The following PCDHAC1 variants were observed in gnomAD, a reference collection of about 807,000 sequenced individuals.
PCDHAC1 encodes protocadherin alpha subfamily C, 1, also known as protocadherin alpha-C1.
PCDHAC1 carries 42 observed loss-of-function variants against 60.0 expected under a neutral mutation model. The ratio of observed to expected loss-of-function variants is 0.70; its 90% CI spans 0.55 to 0.90. The LOEUF is 0.90. Among genes scored for constraint, PCDHAC1 ranks in the 40% least tolerant of loss-of-function variants. The pLI is 0.00. For synonymous variants in PCDHAC1, 468 were observed against 499.3 expected, an observed-to-expected ratio of 0.94 and a Z score of 0.84; for missense variants, 1,160 against 1,222.3, an observed-to-expected ratio of 0.95 and a Z score of 0.76.
At chr5:140,997,329 T>C (rs1030113015) in intron 3 of PCDHAC1, among the ~76,000 whole-genome samples, 1 of 152,228 alleles carries the variant, frequency 6.6e-6, no homozygotes, top group African/African-American at 2.4e-5. Context: ...AGTTTTTTCG[T>C]TGTACAAATA....
intron 1 of PCDHAC1, among the ~76,000 whole-genome samples, chr5:140,942,264 G>T (rs868983277): frequency 5.9e-5 from 9 of 152,122 alleles, no homozygotes; most frequent in Non-Finnish European, 1.2e-4. Flanking sequence ...GATATCTAAA[G>T]CTGGTAATGG....
At chr5:140,991,481 A>G (rs1272675537) in intron 3 of PCDHAC1, among the ~76,000 whole-genome samples, 3 of 152,226 alleles carry the variant, frequency 2.0e-5, no homozygotes, top group Non-Finnish European at 2.9e-5. Flanking sequence ...TCTGGAAGTC[A>G]GAAGTCCACA....
At chr5:140,951,326 T>C (rs2094571744) in intron 1 of PCDHAC1, among the ~76,000 whole-genome samples, 1 of 152,158 alleles carries the variant, frequency 6.6e-6, no homozygotes, top group Admixed American at 6.5e-5. Context: ...TTGAGATTCA[T>C]CATTCTGTTT....
intron 1 of PCDHAC1, among the ~76,000 whole-genome samples, chr5:140,931,051 G>A (rs1460771235): frequency 6.6e-6 from 1 of 152,134 alleles, no homozygotes; most frequent in African/African-American, 2.4e-5. Flanking sequence ...AAACTTCAAT[G>A]CTGTGTCTGG....
chr5:140,980,359 C>T (rs369647369), intron 2 of PCDHAC1, among the ~76,000 whole-genome samples: 1 of 152,114 alleles, frequency 6.6e-6, no homozygotes. Context: ...GGACTGGGCG[C>T]GGTGGCTCAC....
In PCDHAC1 at chr5:140,993,233, G is replaced by A. The variant is rs143093605; in HGVS notation, c.2581+10670G>A. ...TTTAGCTTTTTGGTATGTTCTCTCT[G>A]AATCTGGGGATTTAGATATATAAAT... On this transcript the variant is annotated intron_variant, in intron 3 of 3. Coordinates refer to ENST00000253807, the MANE Select transcript of PCDHAC1 (RefSeq NM_018898.5). Among the ~76,000 whole-genome samples the A allele has an allele frequency of 2.0e-5, 3 of 152,224 alleles. No individual in the cohort carries two copies. The East Asian group carries it at 5.8e-4, about 29-fold the overall frequency.
At chr5:140,965,496 A>AT (rs71766133) in intron 1 of PCDHAC1, among the ~76,000 whole-genome samples, 6,292 of 146,438 alleles carry the variant, frequency 0.043, 368 homozygotes, top group African/African-American at 0.14. Flanking sequence ...ATGACAGCAG[A>AT]TTTTTTTTTT....
At chr5:140,940,994 G>A (rs1375374431) in intron 1 of PCDHAC1, among the ~76,000 whole-genome samples, 1 of 152,094 alleles carries the variant, frequency 6.6e-6, no homozygotes, top group Non-Finnish European at 1.5e-5. Context: ...AAGTTTATAG[G>A]ATTAAATTTT....
chr5:140,998,910 A>T (rs1346967203), intron 3 of PCDHAC1, among the ~76,000 whole-genome samples: 1 of 152,230 alleles, frequency 6.6e-6, no homozygotes, highest in South Asian at 2.1e-4. Context: ...TCCGGGAGGT[A>T]GCTATTATAT....
chr5:140,960,293 T>C (rs990761387), intron 1 of PCDHAC1, among the ~76,000 whole-genome samples: 5 of 152,174 alleles, frequency 3.3e-5, no homozygotes, highest in Non-Finnish European at 7.3e-5. Flanking sequence ...ACCCAGTTTC[T>C]TCATCAATAC....
intron 1 of PCDHAC1, among the ~76,000 whole-genome samples, chr5:140,946,990 C>T (rs181802680): frequency 2.6e-5 from 4 of 151,580 alleles, no homozygotes; most frequent in African/African-American, 9.7e-5. Context: ...TTTGAGTGTT[C>T]TAACTTCAAA....
rs1402531454 is a variant in PCDHAC1 at position 141,011,521 on chromosome 5, TA to T, written c.*1586del. 1 of 153,804 alleles carries T rather than the reference TA, an allele frequency of 6.5e-6. No individual in the cohort carries two copies. The allele number at this position is 153,804 out of a possible 1,614,324, so 9.5% of individuals were successfully genotyped here. A position where few individuals can be genotyped will look rare whatever the true frequency, so the allele number is the denominator to read the frequency against. ...GTGAAAAAGTGGAGTAGTGTTTTTT[TA>T]ACCATTGTTAATCAGCTTTTGTGTA... On this transcript the variant is annotated 3_prime_UTR_variant, in exon 4 of 4. Coordinates refer to ENST00000253807, the MANE Select transcript of PCDHAC1 (RefSeq NM_018898.5).
intron 1 of PCDHAC1, among the ~76,000 whole-genome samples, chr5:140,957,202 A>G (rs75358038): frequency 1.8e-4 from 28 of 152,316 alleles, no homozygotes; most frequent in Non-Finnish European, 2.9e-4. Flanking sequence ...TGGGAATATA[A>G]ATAGGCACAA....
At chr5:140,968,598 A>G in intron 1 of PCDHAC1, 2 of 1,614,102 alleles carry the variant, frequency 1.2e-6, no homozygotes, top group Non-Finnish European at 1.7e-6. Flanking sequence ...ATAGCTATGG[A>G]CTCAGACTCT....
chr5:141,011,104 C>G lies in PCDHAC1; in HGVS notation c.*1167C>G, dbSNP rs1396728499. The G allele has an allele frequency of 6.5e-6, 1 of 153,844 alleles. No homozygotes were observed. Among genetic ancestry groups the G allele is most frequent in the Non-Finnish European group, 1.5e-5 (1 of 68,020 alleles). The allele number at this position is 153,844 out of a possible 1,614,324, so 9.5% of individuals were successfully genotyped here. A position where few individuals can be genotyped will look rare whatever the true frequency, so the allele number is the denominator to read the frequency against. On this transcript the variant is annotated 3_prime_UTR_variant, in exon 4 of 4. Transcript: ENST00000253807. ...GATCTCTCTTTCTCTCTCTCTCTCT[C>G]TTTTCTAAGAAACAATTATGTGCAC... is the stretch of plus-strand genomic sequence containing the variant.
intron 1 of PCDHAC1, among the ~76,000 whole-genome samples, chr5:140,945,813 C>G (rs10477097): frequency 1.1e-4 from 16 of 152,202 alleles, no homozygotes; most frequent in African/African-American, 3.6e-4. Context: ...TTATCTCACA[C>G]TGTATACAAA....
intron 1 of PCDHAC1, among the ~76,000 whole-genome samples, chr5:140,947,108 T>G (rs1419361342): frequency 6.6e-6 from 1 of 151,486 alleles, no homozygotes; most frequent in East Asian, 1.9e-4. Context: ...AATAGGTACG[T>G]GTCAATTAAA....
At chr5:140,981,019 T>A (rs1396794400) in intron 2 of PCDHAC1, among the ~76,000 whole-genome samples, 1 of 152,242 alleles carries the variant, frequency 6.6e-6, no homozygotes, top group East Asian at 1.9e-4. Context: ...ACTTGAAGGC[T>A]GTTAATATTT....
intron 3 of PCDHAC1, among the ~76,000 whole-genome samples, chr5:140,997,593 G>T (rs2097775607): frequency 6.6e-6 from 1 of 152,072 alleles, no homozygotes. Context: ...ACTGAAACAT[G>T]ATTATGGGGC....
Sources: gnomAD v4.1 joint callset for allele counts (sites outside exome capture counted in the v4.1 genomes callset) on GRCh38, gnomAD v4.1.1 for gene constraint, MANE v1.5 for transcripts, NCBI Gene and HGNC (gene_info 2026-07-23, HGNC 2026-07-21) for gene names.